The following IGF2R variants were observed in gnomAD, a reference collection of about 807,000 sequenced individuals.
IGF2R encodes insulin like growth factor 2 receptor.
IGF2R carries 91 observed loss-of-function variants against 270.6 expected under a neutral mutation model. The ratio of observed to expected loss-of-function variants is 0.34; its 90% CI spans 0.28 to 0.40. IGF2R has a LOEUF of 0.40. Ranked by LOEUF, IGF2R falls within the 10% of genes least tolerant of loss-of-function variation. IGF2R has a pLI of 1.00. For synonymous variants in IGF2R, 1,316 were observed against 1,258.9 expected (o/e 1.05, Z -0.96); for missense variants, 2,805 against 3,188.3 (o/e 0.88, Z 2.90).
At chr6:160,008,412 A>G (rs1345473327) in intron 2 of IGF2R, among the ~76,000 whole-genome samples, 1 of 151,920 alleles carries the variant, frequency 6.6e-6, no homozygotes, top group Non-Finnish European at 1.5e-5. Flanking sequence ...TAGTCTTTTG[A>G]TCAGTTTATT....
Position 160,084,058 on chromosome 6 carries a change from G to T in IGF2R, c.5942G>T (p.Trp1981Leu). Residue 1981 changes from tryptophan (W) to leucine (L), a missense_variant, in exon 40 of 48, where the codon TGG becomes TTG. This residue lies in a region of IGF2R where 1,851 missense variants were observed against 2,207.2 expected (regional missense o/e 0.84). Coordinates refer to ENST00000356956, the MANE Select transcript of IGF2R (RefSeq NM_000876.4). This position sits in a 1 kb window ranked among gnomAD's most constrained non-coding sequence, Gnocchi z 4.6. ...CGTGGGTGTGATGTGACATTTGAGT[G>T]GAAAACAAAAGTTGTCTGCCCTCCA... ...EVRGCDVTFEWKTKVVCPPKK... is the reference protein window; with the variant it reads ...EVRGCDVTFELKTKVVCPPKK... The T allele has an allele frequency of 3.1e-6, 5 of 1,614,140 alleles. No individual in the cohort carries two copies. The highest frequency in any genetic ancestry group is 4.2e-6 in the Non-Finnish European group (5 of 1,179,998).
Position 160,078,268 on chromosome 6 carries a change from G to C in IGF2R, c.5384G>C (p.Cys1795Ser). 6.2e-7 allele frequency: 1 copy of C among 1,614,216 alleles called. No individual in the cohort carries two copies. The highest frequency in any genetic ancestry group is 8.5e-7 in the Non-Finnish European group (1 of 1,180,014). ...TTCGAATGGGAGACTCCTGTCGTCT[G>C]TCCTGATGAAGTGAGGATGGATGGC... is the stretch of plus-strand genomic sequence containing the variant. ...FVFEWETPVV[C>S]PDEVRMDGCT... The change falls in exon 37 of 48, where the codon TGT (cysteine) becomes TCT (serine). Residue 1795 changes from cysteine to serine, a missense_variant. Cys to Ser is a moderately radical substitution (Grantham distance 112, BLOSUM62 -1). Transcript: ENST00000356956.
intron 2 of IGF2R, among the ~76,000 whole-genome samples, chr6:159,995,039 T>C (rs1784031192): frequency 6.6e-6 from 1 of 152,190 alleles, no homozygotes. Flanking sequence ...TAGTGAGGTG[T>C]TGAAGTCTCT....
chr6:159,970,978 T>A (rs1283162435), intron 1 of IGF2R, among the ~76,000 whole-genome samples: 4 of 152,120 alleles, frequency 2.6e-5, no homozygotes, highest in Non-Finnish European at 5.9e-5. Flanking sequence ...TAAGGGAGGC[T>A]GAGGTGGTAG....
chr6:160,083,495 G>A (rs1447316159), intron 39 of IGF2R, among the ~76,000 whole-genome samples: 3 of 152,184 alleles, frequency 2.0e-5, no homozygotes, highest in African/African-American at 7.2e-5. Context: ...ACCCTTTACG[G>A]GTGTCAGGCT....
At chr6:160,055,409 T>C (rs906317223) in intron 19 of IGF2R, among the ~76,000 whole-genome samples, 5 of 152,156 alleles carry the variant, frequency 3.3e-5, no homozygotes, top group African/African-American at 1.2e-4. Flanking sequence ...AGCACTCATA[T>C]AGGGCCTGCA....
chr6:160,111,005 G>A lies in IGF2R; in HGVS notation c.*5921G>A, dbSNP rs946549336. 6.6e-6 allele frequency: 1 copy of A among 152,180 alleles called. No homozygotes were observed. Among genetic ancestry groups the A allele is most frequent in the Non-Finnish European group, 1.5e-5 (1 of 68,044 alleles). 9.4% of individuals were successfully genotyped at this position (152,180 alleles called of 1,614,324 possible). ...ATTCTGGAGATCCACTGTGCAGCAT[G>A]GTGACTATGATACTGCTTTGTGTAT... On this transcript the variant is annotated 3_prime_UTR_variant, in exon 48 of 48. Coordinates refer to ENST00000356956, the MANE Select transcript of IGF2R (RefSeq NM_000876.4).
rs1045398659 is a variant in IGF2R, at chr6:160,094,318, C to T, written c.6656-2121C>T. 3.8e-5 allele frequency: 10 copies of T among 261,990 alleles called. No homozygotes were observed. In the East Asian group the frequency reaches 5.6e-4, roughly 15 times the overall value. The allele number at this position is 261,990 out of a possible 1,614,324, so 16.2% of individuals were successfully genotyped here. On this transcript the variant is annotated intron_variant, in intron 44 of 47. Transcript: ENST00000356956. ...GAGAAAGTAAGATAGGGAATCCTGC[C>T]GAGGAACAAGCCAGCAAAGCTCTTT... is the stretch of plus-strand genomic sequence containing the variant.
chr6:160,021,097 C>T (rs1777422332), intron 4 of IGF2R, among the ~76,000 whole-genome samples: 1 of 152,096 alleles, frequency 6.6e-6, no homozygotes, highest in South Asian at 2.1e-4. Flanking sequence ...GCAGACAACT[C>T]AACAAGAAAA....
Position 160,046,543 on chromosome 6 carries a change from A to G in IGF2R, c.1949A>G (p.Tyr650Cys), listed in dbSNP as rs572302787. ...LSPLTKKNGA[Y>C]KVETKKYDFY... ...CCTCTCACAAAGAAAAATGGTGCCTATAAAGTTGAGACAAAGAAGTATGAC... is the reference window on the plus strand; with the variant it reads ...CCTCTCACAAAGAAAAATGGTGCCTGTAAAGTTGAGACAAAGAAGTATGAC... The change falls in exon 15 of 48, where the codon TAT (tyrosine) becomes TGT (cysteine). Residue 650 changes from tyrosine (Y) to cysteine (C), a missense_variant. Tyr to Cys is a radical substitution (Grantham distance 194). Around this residue, in one of 2 missense-constraint regions of IGF2R, gnomAD observed 954 missense variants for 981.1 expected, o/e 0.97. Coordinates refer to ENST00000356956, the MANE Select transcript of IGF2R (RefSeq NM_000876.4). 5.0e-6 allele frequency: 8 copies of G among 1,613,778 alleles called. No homozygotes were observed. The African/African-American group carries it at 6.7e-5, about 13-fold the overall frequency.
intron 12 of IGF2R, 82 bp from the exon 13 acceptor site, chr6:160,044,432 C>CTT: frequency 1.4e-5 from 15 of 1,048,528 alleles, no homozygotes; most frequent in Non-Finnish European, 1.6e-5. Context: ...CTCTTTCTTT[C>CTT]TTTTTTTTTT....
chr6:160,093,519 C>T (rs185183053), intron 44 of IGF2R: 14 of 592,652 alleles, frequency 2.4e-5, no homozygotes, highest in Middle Eastern at 3.4e-4. Context: ...TCTGTACAGC[C>T]GGTTCAGCAA....
intron 4 of IGF2R, among the ~76,000 whole-genome samples, chr6:160,012,692 G>T (rs1290171262): frequency 1.3e-5 from 2 of 150,948 alleles, no homozygotes. Context: ...GATTTGAGTG[G>T]GGACACACAG....
intron 1 of IGF2R, among the ~76,000 whole-genome samples, chr6:159,984,165 A>C (rs1020667782): frequency 6.6e-6 from 1 of 152,224 alleles, no homozygotes; most frequent in Non-Finnish European, 1.5e-5. Flanking sequence ...TATAAGTAGT[A>C]TCCATGACAT....
intron 8 of IGF2R, 85 bp downstream of exon 8, chr6:160,032,798 C>T: frequency 1.5e-5 from 22 of 1,467,336 alleles, no homozygotes; most frequent in Non-Finnish European, 2.1e-5. Flanking sequence ...CCAAGTCAGT[C>T]CATGCATGCT....
At chr6:159,986,425 TGTG>T (rs1242759102) in intron 1 of IGF2R, among the ~76,000 whole-genome samples, 4 of 111,954 alleles carry the variant, frequency 3.6e-5, no homozygotes, top group African/African-American at 1.3e-4. Context: ...TGTGTGTGTG[TGTG>T]TGTTTTTTTT....
rs145137003 is a variant in IGF2R at position 160,050,567 on chromosome 6, T to A, written c.2609T>A (p.Val870Glu). The change falls in exon 19 of 48, where the codon GTG becomes GAG. Residue 870 changes from valine (V) to glutamate (E), a missense_variant. By Grantham distance (121) the Val-to-Glu change is moderately radical (BLOSUM62 -2). Around this residue, in one of 2 missense-constraint regions of IGF2R, gnomAD observed 1,851 missense variants for 2,207.2 expected, o/e 0.84. Coordinates refer to ENST00000356956, the MANE Select transcript of IGF2R (RefSeq NM_000876.4). The surrounding 1 kb of genome is among the most constrained non-coding windows in gnomAD (Gnocchi z 4.0). ...AGCGGCAGCCTCCTTCTGGAATACG[T>A]GAATGGGTCGGCCTGCACCACCAGC... ...EDSGSLLLEYVNGSACTTSDG... is the reference protein window; with the variant it reads ...EDSGSLLLEYENGSACTTSDG... 1.3e-4 allele frequency: 210 copies of A among 1,614,090 alleles called. 1 individual carries two copies. The African/African-American group carries it at 2.5e-3, about 19-fold the overall frequency.
chr6:160,073,889 A>G lies in IGF2R; in HGVS notation c.5080A>G (p.Ile1694Val), dbSNP rs768297167. 1.4e-5 allele frequency: 22 copies of G among 1,614,040 alleles called. No individual in the cohort carries two copies. Among genetic ancestry groups the G allele is most frequent in the South Asian group, 9.9e-5 (9 of 91,086 alleles). ...TACCAACCCTGATTTCTACATCAAT[A>G]TTTGTCAGCCACTAAATCCCATGCA... ...SDTNPDFYINICQPLNPMHGV... is the reference protein window; with the variant it reads ...SDTNPDFYINVCQPLNPMHGV... The change falls in exon 35 of 48, where the codon ATT (isoleucine) becomes GTT (valine). Residue 1694 changes from isoleucine to valine, a missense_variant. Transcript: ENST00000356956.
chr6:160,057,696 AT>A (rs548222907), intron 20 of IGF2R, among the ~76,000 whole-genome samples: 2 of 152,200 alleles, frequency 1.3e-5, no homozygotes, highest in Non-Finnish European at 2.9e-5. Context: ...TAAGATGTTT[AT>A]TTTCTTTAAG....
Sources: allele counts gnomAD v4.1 joint callset (sites outside exome capture counted in the v4.1 genomes callset), GRCh38; gene constraint gnomAD v4.1.1; regional missense constraint gnomAD v4.1.1; non-coding constraint Gnocchi (gnomAD v3.1); transcripts MANE v1.5; gene names NCBI Gene and HGNC (gene_info 2026-07-23, HGNC 2026-07-21).